Variants in PCDHGB3 observed in about 807,000 individuals in gnomAD.
PCDHGB3 encodes the protein protocadherin gamma-B3.
In PCDHGB3, 40 loss-of-function variants were observed where a neutral mutation model predicts 59.2. The observed-to-expected ratio is 0.68, with a 90% confidence interval of 0.52 to 0.88. The LOEUF is 0.88. PCDHGB3 is among the 40% of genes least tolerant of loss of function. The pLI is 0.00. For missense variants in PCDHGB3, 1,309 were observed against 1,187.9 expected (o/e 1.10, Z -1.50); for synonymous variants, 581 against 503.6 (o/e 1.15, Z -2.06).
At chr5:141,496,479 CAACCAACCA>C (rs1199646129) in intron 2 of PCDHGB3, among the ~76,000 whole-genome samples, 1 of 152,180 alleles carries the variant, frequency 6.6e-6, no homozygotes, top group Non-Finnish European at 1.5e-5. Context: ...CCCCATCCTG[CAACCAACCA>C]AACCCTTGTT....
intron 1 of PCDHGB3, chr5:141,385,652 G>T: frequency 1.5e-6 from 1 of 651,480 alleles, no homozygotes; most frequent in South Asian, 5.5e-5. Context: ...ATTGCACAAG[G>T]TTAGCAGGAA....
intron 1 of PCDHGB3, chr5:141,404,272 G>A (rs2094505108): frequency 6.2e-7 from 1 of 1,613,834 alleles, no homozygotes; most frequent in Non-Finnish European, 8.5e-7. Flanking sequence ...ACATCACCCT[G>A]CAAGTGACTG....
intron 1 of PCDHGB3, among the ~76,000 whole-genome samples, chr5:141,452,745 G>A (rs1246578948): frequency 6.6e-6 from 1 of 152,054 alleles, no homozygotes; most frequent in African/African-American, 2.4e-5. Flanking sequence ...AGAGAGAGAA[G>A]GAAGAAGGAA....
chr5:141,419,177 C>G (rs1223789288), intron 1 of PCDHGB3: 3 of 1,613,980 alleles, frequency 1.9e-6, no homozygotes, highest in Non-Finnish European at 2.5e-6. Flanking sequence ...AACCATAACC[C>G]TGCACATTAC....
At chr5:141,421,926 C>A in intron 1 of PCDHGB3, 1 of 1,613,460 alleles carries the variant, frequency 6.2e-7, no homozygotes, top group Non-Finnish European at 8.5e-7. Flanking sequence ...GTGTGGTGGT[C>A]CTCGATGTAA....
chr5:141,474,405 G>C (rs2099348833), intron 1 of PCDHGB3, among the ~76,000 whole-genome samples: 1 of 152,196 alleles, frequency 6.6e-6, no homozygotes, highest in Admixed American at 6.5e-5. Context: ...AAGCTCCCCG[G>C]TGATGCCTAG....
intron 1 of PCDHGB3, among the ~76,000 whole-genome samples, chr5:141,482,985 C>T (rs971017271): frequency 1.3e-5 from 2 of 151,372 alleles, no homozygotes; most frequent in East Asian, 1.9e-4. Context: ...CTTGAGAGGT[C>T]GAGGCAGGAG....
chr5:141,487,067 G>C lies in PCDHGB3; in HGVS notation c.2416-7740G>C, dbSNP rs765539804. 3 of 1,614,048 alleles carry C rather than the reference G, an allele frequency of 1.9e-6. No individual in the cohort carries two copies. The highest frequency in any genetic ancestry group is 3.3e-5 in the Admixed American group (2 of 60,010). ...ATATGCTGGGGAGGTGCGGACGGCT[G>C]TTCCTATCCCAGCTGACCTCCCACC... On this transcript the variant is annotated intron_variant, in intron 1 of 3. Coordinates refer to ENST00000576222, the MANE Select transcript of PCDHGB3 (RefSeq NM_018924.5). The surrounding 1 kb of genome is among the most constrained non-coding windows in gnomAD (Gnocchi z 5.0).
rs17097211 is a variant in PCDHGB3 at position 141,423,498 on chromosome 5, G to A, written c.2415+50689G>A. 9.4e-4 allele frequency: 1,510 copies of A among 1,613,948 alleles called. 9 individuals are homozygous for A. In the African/African-American group the frequency reaches 0.016, roughly 17 times the overall value. ...CTTTCCTGCAAACCTATTCCCACGA[G>A]GTCTCTCTCATTGCGGACTCGCAGA... On this transcript the variant is annotated intron_variant, in intron 1 of 3. Transcript: ENST00000576222.
rs1769106539 is a variant in PCDHGB3, at chr5:141,372,829, T to C, written c.2415+20T>C. 1 of 1,550,378 alleles carries C rather than the reference T, an allele frequency of 6.5e-7. No homozygotes were observed. The highest frequency in any genetic ancestry group is 2.0e-5 in the Admixed American group (1 of 50,066). ...CAAAAGGTGAGTTTCTTCAAACCTT[T>C]CCTTCCATAAATATAATTGGGTTTC... On this transcript the variant is annotated intron_variant, in intron 1 of 3. Transcript: ENST00000576222.
At chr5:141,428,255 G>C in intron 1 of PCDHGB3, 1 of 875,580 alleles carries the variant, frequency 1.1e-6, no homozygotes, top group Non-Finnish European at 1.8e-6. Flanking sequence ...CCAGACTTCA[G>C]TGACAGTCCT....
intron 1 of PCDHGB3, chr5:141,405,129 G>C: frequency 6.2e-7 from 1 of 1,613,964 alleles, no homozygotes. Flanking sequence ...CATCTGCTGC[G>C]GGCTACCAGT....
chr5:141,383,157 T>A, intron 1 of PCDHGB3: 1 of 1,614,076 alleles, frequency 6.2e-7, no homozygotes, highest in Non-Finnish European at 8.5e-7. Context: ...GCTTGGTCAC[T>A]GCGGGCAGGA....
At chr5:141,441,173 C>G (rs2098230611) in intron 1 of PCDHGB3, 1 of 152,180 alleles carries the variant, frequency 6.6e-6, no homozygotes, top group South Asian at 2.1e-4. Context: ...ATTTTTACTT[C>G]TAATTCCACA....
intron 1 of PCDHGB3, among the ~76,000 whole-genome samples, chr5:141,386,595 ATT>A (rs373179212): frequency 2.1e-5 from 3 of 146,060 alleles, no homozygotes; most frequent in African/African-American, 7.5e-5. Flanking sequence ...TGGGGGATAC[ATT>A]TTTTTTTTTT....
intron 1 of PCDHGB3, chr5:141,423,762 G>T: frequency 2.3e-5 from 6 of 264,236 alleles, no homozygotes; most frequent in Non-Finnish European, 3.4e-5. Context: ...GGGGGGGGGT[G>T]GGGCGGCATA....
At chr5:141,392,945 C>A in intron 1 of PCDHGB3, 2 of 1,613,916 alleles carry the variant, frequency 1.2e-6, no homozygotes, top group Non-Finnish European at 1.7e-6. Flanking sequence ...AAGGCTCCTT[C>A]GTGGGTAATA....
In PCDHGB3 at chr5:141,419,332, C is replaced by T. The variant is rs1356380695; in HGVS notation, c.2415+46523C>T. On this transcript the variant is annotated intron_variant, in intron 1 of 3. Transcript: ENST00000576222. Reference sequence around the variant, plus strand: ...TCAACGGCCGTGTCTCCTACTCTCTCATTGCCAGCGACCTGGAGTCACGAA... The same window carrying T: ...TCAACGGCCGTGTCTCCTACTCTCTTATTGCCAGCGACCTGGAGTCACGAA... 3.7e-6 allele frequency: 6 copies of T among 1,613,832 alleles called. No individual in the cohort carries two copies. The Admixed American group carries it at 8.3e-5, about 22-fold the overall frequency.
intron 1 of PCDHGB3, among the ~76,000 whole-genome samples, chr5:141,482,089 CA>C (rs36035257): frequency 0.43 from 58,297 of 134,322 alleles, 12,050 homozygotes; most frequent in African/African-American, 0.53. Context: ...CACTCCATCT[CA>C]AAAAAAAAAA....
Sources: gnomAD v4.1 joint callset for allele counts (sites outside exome capture counted in the v4.1 genomes callset) on GRCh38, gnomAD v4.1.1 for gene constraint, Gnocchi (gnomAD v3.1) non-coding constraint, MANE v1.5 for transcripts, NCBI Gene and HGNC (gene_info 2026-07-23, HGNC 2026-07-21) for gene names.